The following CRISPLD1 variants were observed in gnomAD, a reference collection of about 807,000 sequenced individuals.
CRISPLD1 encodes cysteine rich secretory protein LCCL domain containing 1.
Under a neutral mutation model 77.5 loss-of-function variants are expected in CRISPLD1, and 60 were observed. That is an observed-to-expected ratio of 0.77 (90% CI 0.63 to 0.96). CRISPLD1 has a LOEUF of 0.96. Ranked by LOEUF, CRISPLD1 falls within the 40% of genes least tolerant of loss-of-function variation. The probability of loss-of-function intolerance (pLI) is 0.00; values close to 1 mark genes in which losing one functional copy is unlikely to be tolerated. For missense variants in CRISPLD1, 623 were observed against 615.8 expected, an observed-to-expected ratio of 1.01 and a Z score of -0.12; for synonymous variants, 195 against 200.1, an observed-to-expected ratio of 0.97 and a Z score of 0.22.
At position 75,012,215 on chromosome 8, in the gene CRISPLD1, G is replaced by A. The variant is rs141619711; in HGVS notation, c.259-218G>A. Among the ~76,000 whole-genome samples the A allele has an allele frequency of 3.3e-3, 504 of 152,188 alleles. 2 individuals are homozygous for A. Among genetic ancestry groups the A allele is most frequent in the Middle Eastern group, 0.017 (5 of 294 alleles). On this transcript the variant is annotated intron_variant, in intron 2 of 14. Coordinates refer to ENST00000262207, the MANE Select transcript of CRISPLD1 (RefSeq NM_031461.6). The stretch of plus-strand genomic sequence containing the variant: ...TGTTCACTTAAGTAATTGTAAAGAC[G>A]TATGGGGCAATTTGGAGGGTTAAGA...
At chr8:74,991,237 C>G (rs560352988) in intron 2 of CRISPLD1, among the ~76,000 whole-genome samples, 4 of 152,292 alleles carry the variant, frequency 2.6e-5, no homozygotes, top group African/African-American at 9.6e-5. Context: ...CTGAAGTGAT[C>G]TGCCCACCTT....
At chr8:75,004,382 A>G (rs1812794108) in intron 2 of CRISPLD1, among the ~76,000 whole-genome samples, 1 of 151,990 alleles carries the variant, frequency 6.6e-6, no homozygotes, top group East Asian at 1.9e-4. Flanking sequence ...TAGTCACAAA[A>G]GCATCTCACA....
chr8:74,993,675 A>G (rs1054894919), intron 2 of CRISPLD1, among the ~76,000 whole-genome samples: 1 of 152,238 alleles, frequency 6.6e-6, no homozygotes, highest in African/African-American at 2.4e-5. Context: ...AAATGTTAGC[A>G]ACATATCTAG....
At chr8:75,023,700 G>T (rs1033583006) in intron 12 of CRISPLD1, among the ~76,000 whole-genome samples, 2 of 152,036 alleles carry the variant, frequency 1.3e-5, no homozygotes, top group Admixed American at 6.6e-5. Flanking sequence ...ATCCACTAAT[G>T]ATTATCATGT....
chr8:74,996,857 A>C (rs1042860767), intron 2 of CRISPLD1, among the ~76,000 whole-genome samples: 1 of 151,334 alleles, frequency 6.6e-6, no homozygotes, highest in Non-Finnish European at 1.5e-5. Context: ...AGCTGAGACT[A>C]CAGGCACATA....
chr8:75,032,341 ATTTTCAGCCC>A lies in CRISPLD1; in HGVS notation c.*100_*109del. ...CATTACTGTACAGAGTACATCAACT[ATTTTCAGCCC>A]AAAAAGGTGCCAAATGCATATAAAT... On this transcript the variant is annotated 3_prime_UTR_variant, in exon 15 of 15. Coordinates refer to ENST00000262207, the MANE Select transcript of CRISPLD1 (RefSeq NM_031461.6). 1.2e-6 allele frequency: 1 copy of A among 807,278 alleles called. No individual in the cohort carries two copies. The highest frequency in any genetic ancestry group is 2.9e-5 in the Admixed American group (1 of 34,250). The allele number at this position is 807,278 out of a possible 1,614,324, so 50.0% of individuals were successfully genotyped here.
At chr8:74,988,624 A>G (rs1812529165) in intron 2 of CRISPLD1, among the ~76,000 whole-genome samples, 1 of 152,134 alleles carries the variant, frequency 6.6e-6, no homozygotes, top group Non-Finnish European at 1.5e-5. Flanking sequence ...ACTTGAGGTC[A>G]GGAGTTCCAG....
At chr8:75,010,654 T>C (rs779252314) in intron 2 of CRISPLD1, among the ~76,000 whole-genome samples, 1 of 152,074 alleles carries the variant, frequency 6.6e-6, no homozygotes, top group East Asian at 1.9e-4. Flanking sequence ...CCCAAAAATA[T>C]CTTCTCTCTC....
At chr8:75,029,568 A>G in intron 14 of CRISPLD1, 51 bp downstream of exon 14, 2 of 1,556,156 alleles carry the variant, frequency 1.3e-6, no homozygotes, top group East Asian at 2.2e-5. Context: ...CTATCACTGT[A>G]TTCATGATTG....
chr8:75,003,581 G>A (rs1319595132), intron 2 of CRISPLD1, among the ~76,000 whole-genome samples: 1 of 151,914 alleles, frequency 6.6e-6, no homozygotes, highest in East Asian at 1.9e-4. Context: ...AAATATACTG[G>A]GTTGTGAATA....
At chr8:75,003,688 A>G (rs1001193371) in intron 2 of CRISPLD1, among the ~76,000 whole-genome samples, 1 of 152,178 alleles carries the variant, frequency 6.6e-6, no homozygotes, top group Non-Finnish European at 1.5e-5. Context: ...ATCAAGACTT[A>G]AAGTACCATC....
chr8:75,022,865 T>C (rs1813162004), intron 12 of CRISPLD1, among the ~76,000 whole-genome samples: 1 of 152,028 alleles, frequency 6.6e-6, no homozygotes, highest in Non-Finnish European at 1.5e-5. Context: ...CAATTCAAAA[T>C]AAACTATCTA....
chr8:74,996,031 G>T (rs969603502), intron 2 of CRISPLD1, among the ~76,000 whole-genome samples: 19 of 126,982 alleles, frequency 1.5e-4, no homozygotes, highest in African/African-American at 7.6e-4. Context: ...ATGGGTCATT[G>T]CTTTATATAT....
intron 13 of CRISPLD1, 60 bp downstream of exon 13, chr8:75,025,681 C>A: frequency 1.1e-6 from 1 of 881,630 alleles, no homozygotes; most frequent in Non-Finnish European, 1.9e-6. Flanking sequence ...TGTATAGACA[C>A]ATTTAAATGT....
rs145248913 is a variant in CRISPLD1, at chr8:75,017,786, C to T, written c.1127+336C>T. On this transcript the variant is annotated intron_variant, in intron 10 of 14. Coordinates refer to ENST00000262207, the MANE Select transcript of CRISPLD1 (RefSeq NM_031461.6). ...AGGGTAAGTAATTTGCATATTCTTC[C>T]TGTCCTATTTAGGGAAAATGGCTTA... Among the ~76,000 whole-genome samples, 648 of 152,230 alleles carry T rather than the reference C, an allele frequency of 4.3e-3. 2 individuals carry two copies. The highest frequency in any genetic ancestry group is 0.015 in the African/African-American group (620 of 41,556).
At chr8:75,018,434 G>A (rs1156756185) in intron 10 of CRISPLD1, among the ~76,000 whole-genome samples, 1 of 152,020 alleles carries the variant, frequency 6.6e-6, no homozygotes, top group Non-Finnish European at 1.5e-5. Flanking sequence ...TGGAATACAG[G>A]TGCGTGCCAC....
chr8:75,014,402 C>T (rs751668508), intron 5 of CRISPLD1, among the ~76,000 whole-genome samples: 1 of 151,982 alleles, frequency 6.6e-6, no homozygotes, highest in Non-Finnish European at 1.5e-5. Flanking sequence ...AGATTAACAG[C>T]TATACATTAA....
chr8:75,000,451 A>G, intron 2 of CRISPLD1: 1 of 981,314 alleles, frequency 1.0e-6, no homozygotes, highest in Non-Finnish European at 1.2e-6. Flanking sequence ...GCTATCTCAC[A>G]TGAACATCTA....
At chr8:74,989,230 A>C (rs1163177083) in intron 2 of CRISPLD1, among the ~76,000 whole-genome samples, 1 of 152,238 alleles carries the variant, frequency 6.6e-6, no homozygotes, top group East Asian at 1.9e-4. Context: ...CTTGTGGCAG[A>C]GTCAGGAAGG....
Sources: gnomAD v4.1 joint callset for allele counts (sites outside exome capture counted in the v4.1 genomes callset) on GRCh38, gnomAD v4.1.1 for gene constraint, MANE v1.5 for transcripts, NCBI Gene and HGNC (gene_info 2026-07-23, HGNC 2026-07-21) for gene names.